MBD5: variants seen among roughly 807,000 people sequenced by gnomAD.
MBD5 encodes methyl-CpG-binding domain protein 5.
MBD5 carries 13 observed loss-of-function variants against 117.3 expected under a neutral mutation model. The observed-to-expected ratio is 0.11, with a 90% CI of 0.07 to 0.18. The LOEUF is 0.18. MBD5 is among the 10% of genes least tolerant of loss of function. The pLI, the probability that MBD5 is intolerant of heterozygous loss-of-function variation, is 1.00. For synonymous variants in MBD5, 727 were observed against 766.4 expected (o/e 0.95, Z 0.85); for missense variants, 1,879 against 2,093.8 (o/e 0.90, Z 2.00).
chr2:148,074,507 G>GTTTTTTTT (rs11443189), intron 1 of MBD5, among the ~76,000 whole-genome samples: 2 of 113,772 alleles, frequency 1.8e-5, no homozygotes, highest in Non-Finnish European at 3.5e-5. Flanking sequence ...TTTTTTTTTT[G>GTTTTTTTT]TTTTTTTTTT....
chr2:148,451,800 G>T (rs1465322238), intron 4 of MBD5, among the ~76,000 whole-genome samples: 2 of 152,090 alleles, frequency 1.3e-5, no homozygotes, highest in Non-Finnish European at 2.9e-5. Context: ...GAATAGAGTG[G>T]ACTTCTTAAT....
intron 2 of MBD5, among the ~76,000 whole-genome samples, chr2:148,201,674 G>A (rs761932956): frequency 2.6e-5 from 4 of 152,168 alleles, no homozygotes; most frequent in Non-Finnish European, 4.4e-5. Context: ...CAATCAAAGG[G>A]TGAGAAGGGT....
intron 3 of MBD5, among the ~76,000 whole-genome samples, chr2:148,328,372 G>T (rs1413448053): frequency 6.6e-6 from 1 of 152,212 alleles, no homozygotes; most frequent in Non-Finnish European, 1.5e-5. Context: ...GCTCCACCCA[G>T]TTGGAGCTTC....
At chr2:148,314,988 A>G (rs957458083) in intron 3 of MBD5, among the ~76,000 whole-genome samples, 1 of 152,172 alleles carries the variant, frequency 6.6e-6, no homozygotes, top group Non-Finnish European at 1.5e-5. Flanking sequence ...ATGAGACATT[A>G]AACAAAGCTA....
chr2:148,221,077 T>A (rs1469291225), intron 2 of MBD5, among the ~76,000 whole-genome samples: 1 of 152,166 alleles, frequency 6.6e-6, no homozygotes, highest in Non-Finnish European at 1.5e-5. Context: ...TGACCTCTAG[T>A]TCCATTCATG....
rs561481515 is a variant in MBD5, at chr2:148,421,488, A to G, written c.-556-36715A>G. On this transcript the variant is annotated intron_variant, in intron 4 of 13. Coordinates refer to ENST00000642680, the MANE Select transcript of MBD5 (RefSeq NM_001378120.1). ...ACAGGGTTCTGGGTTTCAAGCACAA[A>G]ATTGGGTGGCTGTTTGGGCAGACAC... is the stretch of plus-strand genomic sequence containing the variant. 2.0e-5 allele frequency among the ~76,000 whole-genome samples: 3 copies of G among 151,868 alleles called. No individual in the cohort carries two copies. In the South Asian group the frequency reaches 6.2e-4, roughly 32 times the overall value.
At chr2:148,382,865 T>A (rs1027330096) in intron 4 of MBD5, among the ~76,000 whole-genome samples, 3 of 151,502 alleles carry the variant, frequency 2.0e-5, no homozygotes, top group Non-Finnish European at 2.9e-5. Flanking sequence ...ACTGGGTACA[T>A]AACGAAATGA....
At chr2:148,383,051 G>A (rs1008838983) in intron 4 of MBD5, among the ~76,000 whole-genome samples, 37 of 151,690 alleles carry the variant, frequency 2.4e-4, no homozygotes, top group African/African-American at 8.7e-4. Context: ...AAGAACTAGA[G>A]AAGCAAGAGC....
At chr2:148,151,833 TC>T (rs1312667109) in intron 1 of MBD5, among the ~76,000 whole-genome samples, 1 of 151,928 alleles carries the variant, frequency 6.6e-6, no homozygotes, top group East Asian at 1.9e-4. Context: ...CTTCTCTCTT[TC>T]TTTCTTTATT....
At chr2:148,291,014 A>G (rs960541740) in intron 3 of MBD5, among the ~76,000 whole-genome samples, 1 of 152,270 alleles carries the variant, frequency 6.6e-6, no homozygotes. Context: ...ATCTTTGTCA[A>G]TACATGCTTT....
intron 8 of MBD5, among the ~76,000 whole-genome samples, chr2:148,473,755 A>G (rs1680870009): frequency 6.6e-6 from 1 of 152,172 alleles, no homozygotes; most frequent in Non-Finnish European, 1.5e-5. Flanking sequence ...AAATCAGATA[A>G]AAGATATTAA....
Position 148,470,145 on chromosome 2 carries a change from T to C in MBD5, c.2202T>C (p.Ala734=). The part of the protein sequence containing the change: ...GASNTALPCS[A]NQLHFTDPSM... ...CAAATACTGCTTTGCCTTGCTCTGC[T>C]AACCAGCTGCATTTTACAGATCCCA... The change falls in exon 8 of 14, where the codon GCT becomes GCC. Residue 734 remains alanine (A), a synonymous_variant. Transcript: ENST00000642680. 1 of 1,613,950 alleles carries C rather than the reference T, an allele frequency of 6.2e-7. No individual in the cohort carries two copies.
At chr2:148,080,775 A>T (rs142732597) in intron 1 of MBD5, among the ~76,000 whole-genome samples, 1 of 152,312 alleles carries the variant, frequency 6.6e-6, no homozygotes, top group East Asian at 1.9e-4. Flanking sequence ...ATATTATGAT[A>T]GCAGCTATGT....
intron 1 of MBD5, among the ~76,000 whole-genome samples, chr2:148,048,129 C>T (rs1165176286): frequency 6.6e-6 from 1 of 152,138 alleles, no homozygotes; most frequent in Non-Finnish European, 1.5e-5. Flanking sequence ...AACATTCTGT[C>T]TCTGTAAAGC....
intron 2 of MBD5, among the ~76,000 whole-genome samples, chr2:148,197,521 G>A (rs1172650895): frequency 1.3e-5 from 2 of 152,160 alleles, no homozygotes; most frequent in African/African-American, 4.8e-5. Flanking sequence ...GCTAATGTGT[G>A]TAATGGTCTC....
chr2:148,427,716 C>G (rs1705846611), intron 4 of MBD5, among the ~76,000 whole-genome samples: 1 of 151,852 alleles, frequency 6.6e-6, no homozygotes, highest in Admixed American at 6.6e-5. Flanking sequence ...GTGCAGCACA[C>G]CAACATGGCA....
At chr2:148,346,009 T>C (rs1235755853) in intron 4 of MBD5, 1 of 151,870 alleles carries the variant, frequency 6.6e-6, no homozygotes, top group Non-Finnish European at 1.5e-5. Flanking sequence ...CAAATGTTAA[T>C]CTCTTTTGGC....
chr2:148,101,833 G>A (rs1696225523), intron 1 of MBD5, among the ~76,000 whole-genome samples: 1 of 152,042 alleles, frequency 6.6e-6, no homozygotes, highest in Non-Finnish European at 1.5e-5. Flanking sequence ...TTGTCTTTTG[G>A]TTGGCCCTGA....
At chr2:148,203,828 T>C (rs55776300) in intron 2 of MBD5, among the ~76,000 whole-genome samples, 3,018 of 152,236 alleles carry the variant, frequency 0.02, 113 homozygotes, top group African/African-American at 0.068. Flanking sequence ...ATAAGGTATG[T>C]TATGTGTACG....
Sources: gnomAD v4.1 joint callset for allele counts (sites outside exome capture counted in the v4.1 genomes callset) on GRCh38, gnomAD v4.1.1 for gene constraint, MANE v1.5 for transcripts, NCBI Gene and HGNC (gene_info 2026-07-23, HGNC 2026-07-21) for gene names.